Variants in MME observed in about 807,000 individuals in gnomAD.
The protein encoded by MME is membrane metalloendopeptidase.
In MME, 98 loss-of-function variants were observed where a neutral mutation model predicts 113.2. That is an observed-to-expected ratio of 0.87 (90% CI 0.74 to 1.02). MME has a LOEUF of 1.02. MME is among the 50% of genes least tolerant of loss of function. The probability of loss-of-function intolerance (pLI) is 0.00; values close to 1 mark genes in which losing one functional copy is unlikely to be tolerated. For missense variants in MME, 836 were observed against 896.0 expected, an observed-to-expected ratio of 0.93 and a Z score of 0.86; for synonymous variants, 292 against 300.6, an observed-to-expected ratio of 0.97 and a Z score of 0.30.
chr3:155,126,335 TA>T (rs58370917), intron 8 of MME, among the ~76,000 whole-genome samples: 25,938 of 152,020 alleles, frequency 0.17, 2,385 homozygotes, highest in African/African-American at 0.23. Flanking sequence ...CTATGATACA[TA>T]TTTTTTTTAC....
chr3:155,046,932 GAGTC>G (rs1281316545), intron 1 of MME, among the ~76,000 whole-genome samples: 13 of 152,134 alleles, frequency 8.5e-5, no homozygotes, highest in Non-Finnish European at 1.5e-5. Flanking sequence ...TATTACAAAA[GAGTC>G]AGATAATTTT....
chr3:155,138,915 G>A lies in MME; in HGVS notation c.855+679G>A, dbSNP rs115067625. Among the ~76,000 whole-genome samples, 501 of 152,094 alleles carry A rather than the reference G, an allele frequency of 3.3e-3. 2 individuals are homozygous for A. The highest frequency in any genetic ancestry group is 0.011 in the African/African-American group (460 of 41,518). On this transcript the variant is annotated intron_variant, in intron 9 of 22. Transcript: ENST00000360490. Reference sequence around the variant, plus strand: ...ATCCAGGTTACTGATTAAACCCATCGTCAGAGTCAGTCTAGGACCCACAGA... The same window carrying A: ...ATCCAGGTTACTGATTAAACCCATCATCAGAGTCAGTCTAGGACCCACAGA...
rs138497613 is a variant in MME at position 155,172,756 on chromosome 3, C to T, written c.2153+144C>T. The T allele has an allele frequency of 7.3e-4, 492 of 673,832 alleles. 2 individuals are homozygous for T. The African/African-American group carries it at 7.7e-3, about 11-fold the overall frequency. The allele number at this position is 673,832 out of a possible 1,614,324, so 41.7% of individuals were successfully genotyped here. On this transcript the variant is annotated intron_variant, in intron 22 of 22. Coordinates refer to ENST00000360490, the MANE Select transcript of MME (RefSeq NM_007289.4). Reference sequence around the variant, plus strand: ...TTTTTTTGAGAGTCAAAGGTAGGATCGAGAGAACACATCGGAGCATTCTAC... The same window carrying T: ...TTTTTTTGAGAGTCAAAGGTAGGATTGAGAGAACACATCGGAGCATTCTAC...
At chr3:155,169,622 T>C (rs1711685579) in intron 20 of MME, among the ~76,000 whole-genome samples, 1 of 152,182 alleles carries the variant, frequency 6.6e-6, no homozygotes, top group African/African-American at 2.4e-5. Flanking sequence ...TTTTGAGTGT[T>C]TTTCTCAACT....
intron 1 of MME, among the ~76,000 whole-genome samples, chr3:155,066,487 A>G (rs1047264215): frequency 4.6e-5 from 7 of 152,186 alleles, no homozygotes; most frequent in Non-Finnish European, 1.0e-4. Context: ...CTAGTTTTCC[A>G]TGGAGTGAGT....
At chr3:155,091,862 G>T (rs971870551) in intron 3 of MME, among the ~76,000 whole-genome samples, 1 of 152,116 alleles carries the variant, frequency 6.6e-6, no homozygotes, top group Non-Finnish European at 1.5e-5. Context: ...GGCTTGTTTT[G>T]ATCCTATTTC....
intron 8 of MME, among the ~76,000 whole-genome samples, chr3:155,128,044 A>T (rs1272990249): frequency 6.6e-6 from 1 of 152,182 alleles, no homozygotes; most frequent in African/African-American, 2.4e-5. Context: ...TTTTGGTGAC[A>T]TCCTTCTTTC....
intron 8 of MME, among the ~76,000 whole-genome samples, chr3:155,126,467 A>T (rs536140805): frequency 6.6e-6 from 1 of 151,916 alleles, no homozygotes; most frequent in East Asian, 1.9e-4. Flanking sequence ...ATGCTATCCC[A>T]TAATCTCAAA....
At chr3:155,145,259 A>G (rs1164391651) in intron 14 of MME, among the ~76,000 whole-genome samples, 1 of 152,094 alleles carries the variant, frequency 6.6e-6, no homozygotes, top group African/African-American at 2.4e-5. Flanking sequence ...TCTGCTTGGT[A>G]AAGCCAGTTG....
intron 3 of MME, 111 bp downstream of exon 3, chr3:155,085,205 A>T (rs979358923): frequency 4.5e-5 from 31 of 683,254 alleles, no homozygotes; most frequent in Non-Finnish European, 7.2e-5. Flanking sequence ...TAGATCAATT[A>T]TTTATGTGTC....
At chr3:155,085,325 A>G (rs1430463637) in intron 3 of MME, 1 of 355,278 alleles carries the variant, frequency 2.8e-6, no homozygotes, top group Non-Finnish European at 5.1e-6. Context: ...TAGCAGGGCA[A>G]TAGAAAACTA....
At chr3:155,161,677 C>T (rs915184077) in intron 17 of MME, among the ~76,000 whole-genome samples, 3 of 152,046 alleles carry the variant, frequency 2.0e-5, no homozygotes, top group African/African-American at 7.2e-5. Flanking sequence ...CTGGAATTTA[C>T]GTTGGTACAT....
chr3:155,168,893 A>G, intron 20 of MME, 96 bp downstream of exon 20: 1 of 1,034,118 alleles, frequency 9.7e-7, no homozygotes, highest in Non-Finnish European at 1.5e-6. Flanking sequence ...AGAAACTCAT[A>G]TAAGCAGTAA....
At chr3:155,042,917 T>TATATAC (rs1419982725) in intron 1 of MME, among the ~76,000 whole-genome samples, 8 of 51,082 alleles carry the variant, frequency 1.6e-4, no homozygotes, top group Admixed American at 1.5e-3. Context: ...TATATATATA[T>TATATAC]ATATATATAT....
intron 3 of MME, among the ~76,000 whole-genome samples, chr3:155,101,124 C>T (rs1314283226): frequency 2.0e-5 from 3 of 152,100 alleles, no homozygotes; most frequent in African/African-American, 7.2e-5. Flanking sequence ...CGTGAGATGC[C>T]TGCTCCTCCT....
chr3:155,168,244 C>A (rs61760399), intron 18 of MME, among the ~76,000 whole-genome samples: 26 of 152,180 alleles, frequency 1.7e-4, no homozygotes, highest in Non-Finnish European at 3.4e-4. Flanking sequence ...CTGGCGGCCT[C>A]TTCTGAGATA....
Position 155,180,406 on chromosome 3 carries a change from C to T in MME, c.2200C>T (p.His734Tyr). The change falls in exon 23 of 23, where the codon CAC (histidine) becomes TAC (tyrosine). Residue 734 changes from histidine (H) to tyrosine (Y), a missense_variant. By Grantham distance (83) the His-to-Tyr change is moderately conservative. Coordinates refer to ENST00000360490, the MANE Select transcript of MME (RefSeq NM_007289.4). ...CTCTGCAGAGTTTTCAGAAGCCTTT[C>T]ACTGCCGCAAGAATTCATACATGAA... ...QNSAEFSEAF[H>Y]CRKNSYMNPE... The T allele has an allele frequency of 6.2e-7, 1 of 1,613,638 alleles. No homozygotes were observed. Among genetic ancestry groups the T allele is most frequent in the South Asian group, 1.1e-5 (1 of 91,074 alleles).
At chr3:155,171,343 G>A (rs188440051) in intron 20 of MME, among the ~76,000 whole-genome samples, 1 of 152,136 alleles carries the variant, frequency 6.6e-6, no homozygotes, top group Admixed American at 6.6e-5. Flanking sequence ...CTATGTTGAC[G>A]GTAAGTGGAA....
At chr3:155,042,537 C>A (rs1440316167) in intron 1 of MME, among the ~76,000 whole-genome samples, 1 of 151,950 alleles carries the variant, frequency 6.6e-6, no homozygotes, top group Non-Finnish European at 1.5e-5. Context: ...CACTATATGC[C>A]AAAGACTGTT....
Sources: gnomAD v4.1 joint callset for allele counts (sites outside exome capture counted in the v4.1 genomes callset) on GRCh38, gnomAD v4.1.1 for gene constraint, MANE v1.5 for transcripts, NCBI Gene and HGNC (gene_info 2026-07-23, HGNC 2026-07-21) for gene names.